The following TRIM24 variants were observed in gnomAD, a reference collection of about 807,000 sequenced individuals.
TRIM24 encodes the protein transcription intermediary factor 1-alpha.
TRIM24 carries 29 observed loss-of-function variants against 123.9 expected under a neutral mutation model. The observed-to-expected ratio is 0.23, with a 90% CI of 0.17 to 0.32. The LOEUF (loss-of-function observed/expected upper bound fraction) is 0.32, where lower values mean the gene tolerates loss of function less well. Among genes scored for constraint, TRIM24 ranks in the 10% least tolerant of loss-of-function variants. The pLI, the probability that TRIM24 is intolerant of heterozygous loss-of-function variation, is 1.00. For synonymous variants in TRIM24, 456 were observed against 461.1 expected (o/e 0.99, Z 0.14); for missense variants, 932 against 1,295.3 (o/e 0.72, Z 4.31).
Position 138,513,160 on chromosome 7 carries a change from T to TC in TRIM24, c.484-2051dup, listed in dbSNP as rs1465208490. ...AAGTTTATTTCCATCTGTGACCTCC[T>TC]CAGCCTGGACTTCATTGTCATATTA... On this transcript the variant is annotated intron_variant, in intron 2 of 18. Coordinates refer to ENST00000343526, the MANE Select transcript of TRIM24 (RefSeq NM_015905.3). Among the ~76,000 whole-genome samples, 18 of 152,314 alleles carry TC rather than the reference T, an allele frequency of 1.2e-4. 1 individual carries two copies. Among genetic ancestry groups the TC allele is most frequent in the Admixed American group, 7.2e-4 (11 of 15,292 alleles).
chr7:138,510,485 G>C (rs1321255585), intron 2 of TRIM24, among the ~76,000 whole-genome samples: 1 of 151,954 alleles, frequency 6.6e-6, no homozygotes, highest in South Asian at 2.1e-4. Context: ...GCAGTGGCGC[G>C]ATCTTGGCTC....
chr7:138,483,590 A>T (rs1434511844), intron 1 of TRIM24, among the ~76,000 whole-genome samples: 2 of 152,218 alleles, frequency 1.3e-5, no homozygotes, highest in African/African-American at 4.8e-5. Flanking sequence ...CCATAGGATT[A>T]TGAGGTTGGC....
intron 5 of TRIM24, among the ~76,000 whole-genome samples, chr7:138,526,483 A>T (rs1014567550): frequency 7.9e-5 from 12 of 151,626 alleles, no homozygotes; most frequent in African/African-American, 2.7e-4. Context: ...TCACTCTGTC[A>T]CTTAAGCTGG....
At position 138,580,767 on chromosome 7, in the gene TRIM24, G is replaced by A. The variant is rs527782976; in HGVS notation, c.2718+73G>A. ...CTGTGGTACCTTTTGTCAAAGAGGT[G>A]TATATCCATCCAGATTTTATACTGA... On this transcript the variant is annotated intron_variant, in intron 16 of 18. Coordinates refer to ENST00000343526, the MANE Select transcript of TRIM24 (RefSeq NM_015905.3). The A allele has an allele frequency of 6.0e-5, 84 of 1,390,978 alleles. No homozygotes were observed. The African/African-American group carries it at 1.1e-3, about 18-fold the overall frequency. The allele number at this position is 1,390,978 out of a possible 1,614,324, so 86.2% of individuals were successfully genotyped here. A position where few individuals can be genotyped will look rare whatever the true frequency, so the allele number is the denominator to read the frequency against.
At position 138,584,830 on chromosome 7, in the gene TRIM24, C is replaced by T. The variant is rs1797980352; in HGVS notation, c.3032C>T (p.Pro1011Leu). The T allele has an allele frequency of 1.9e-6, 3 of 1,613,232 alleles. No individual in the cohort carries two copies. Among genetic ancestry groups the T allele is most frequent in the African/African-American group, 1.3e-5 (1 of 74,806 alleles). The change falls in exon 19 of 19, where the codon CCC becomes CTC. Residue 1011 changes from proline to leucine, a missense_variant. Pro to Leu is a moderately conservative substitution (Grantham distance 98). Transcript: ENST00000343526. ...AACCTCTATCCAGAAAAAAGGTTTC[C>T]CAAACCAGAATTCAGGAATGAATCA... ...LKNLYPEKRF[P>L]KPEFRNESED...
intron 1 of TRIM24, among the ~76,000 whole-genome samples, chr7:138,485,877 A>G (rs1795634281): frequency 6.6e-6 from 1 of 152,164 alleles, no homozygotes; most frequent in Admixed American, 6.5e-5. Flanking sequence ...ACTGGGTCAA[A>G]TGGTATTTCT....
intron 2 of TRIM24, among the ~76,000 whole-genome samples, chr7:138,513,937 G>A (rs1215365814): frequency 1.3e-5 from 2 of 152,166 alleles, no homozygotes; most frequent in African/African-American, 4.8e-5. Flanking sequence ...GGAAGTAGAT[G>A]AGATCAATCC....
chr7:138,583,734 AT>A, intron 17 of TRIM24, 115 bp from the exon 18 acceptor site: 1 of 776,772 alleles, frequency 1.3e-6, no homozygotes, highest in African/African-American at 1.8e-5. Flanking sequence ...CTAATGGCAA[AT>A]AGCACAGAGA....
At chr7:138,479,712 TGGTC>T (rs1336989345) in intron 1 of TRIM24, among the ~76,000 whole-genome samples, 2 of 151,428 alleles carry the variant, frequency 1.3e-5, no homozygotes, top group Admixed American at 1.3e-4. Context: ...TTCTCCATGT[TGGTC>T]AGGCTGGTCT....
intron 2 of TRIM24, among the ~76,000 whole-genome samples, chr7:138,506,762 C>T (rs535816263): frequency 2.0e-5 from 3 of 151,980 alleles, no homozygotes; most frequent in Non-Finnish European, 4.4e-5. Context: ...AATGTTGATA[C>T]TGGGCATGCA....
chr7:138,516,218 C>T (rs988867727), intron 3 of TRIM24, among the ~76,000 whole-genome samples: 9 of 152,152 alleles, frequency 5.9e-5, no homozygotes, highest in African/African-American at 1.4e-4. Context: ...AGGAGAATGG[C>T]GTGAACCCGG....
intron 1 of TRIM24, 82 bp downstream of exon 1, chr7:138,460,994 T>G: frequency 8.0e-7 from 1 of 1,255,548 alleles, no homozygotes; most frequent in Non-Finnish European, 1.0e-6. Flanking sequence ...CGACCCGCTG[T>G]CATGTCGCCG....
chr7:138,553,720 T>A (rs1229261439), intron 8 of TRIM24, among the ~76,000 whole-genome samples: 2 of 152,144 alleles, frequency 1.3e-5, no homozygotes, highest in African/African-American at 4.8e-5. Context: ...CAATGTTAGG[T>A]TCGCTTGTTT....
At chr7:138,551,313 A>G (rs10281577) in intron 8 of TRIM24, 133 bp downstream of exon 8, 19 of 785,050 alleles carry the variant, frequency 2.4e-5, no homozygotes, top group Non-Finnish European at 4.1e-5. Context: ...GCACTTTGGG[A>G]TCTCTCAAGG....
chr7:138,530,762 T>A (rs962516938), intron 6 of TRIM24, among the ~76,000 whole-genome samples: 2 of 152,060 alleles, frequency 1.3e-5, no homozygotes, highest in Admixed American at 1.3e-4. Context: ...GCTACCCACC[T>A]TGCCCCCCCT....
chr7:138,487,315 T>C (rs1013571484), intron 1 of TRIM24, among the ~76,000 whole-genome samples: 31 of 152,364 alleles, frequency 2.0e-4, no homozygotes, highest in Admixed American at 9.8e-4. Flanking sequence ...CTTTTGCTAA[T>C]TGAATACCCT....
At chr7:138,523,700 G>A (rs1354994386) in intron 4 of TRIM24, among the ~76,000 whole-genome samples, 3 of 144,840 alleles carry the variant, frequency 2.1e-5, no homozygotes, top group Non-Finnish European at 4.5e-5. Context: ...CCAGTGAGCC[G>A]AGATGGGGCC....
intron 2 of TRIM24, among the ~76,000 whole-genome samples, chr7:138,508,678 T>TGCGCGCGCGCGCGCGCGC (rs1554436586): frequency 3.9e-5 from 2 of 51,284 alleles, no homozygotes; most frequent in African/African-American, 1.5e-4. Context: ...TGTGTGTGTG[T>TGCGCGCGCGCGCGCGCGC]GTGTGTGTGT....
At chr7:138,478,773 A>G (rs1329581952) in intron 1 of TRIM24, among the ~76,000 whole-genome samples, 1 of 152,238 alleles carries the variant, frequency 6.6e-6, no homozygotes, top group Non-Finnish European at 1.5e-5. Context: ...GACAGTAGAA[A>G]GTACCTAGTT....
Sources: gnomAD v4.1 joint callset for allele counts (sites outside exome capture counted in the v4.1 genomes callset) on GRCh38, gnomAD v4.1.1 for gene constraint, MANE v1.5 for transcripts, NCBI Gene and HGNC (gene_info 2026-07-23, HGNC 2026-07-21) for gene names.